Variants in RBBP8 observed in about 807,000 individuals in gnomAD.
RBBP8 encodes RB binding protein 8, endonuclease, also known as DNA endonuclease RBBP8.
In RBBP8, 88 loss-of-function variants were observed where a neutral mutation model predicts 108.3. The ratio of observed to expected loss-of-function variants is 0.81; its 90% CI spans 0.68 to 0.97. The LOEUF is 0.97. Among genes scored for constraint, RBBP8 ranks in the 50% least tolerant of loss-of-function variants. The probability of loss-of-function intolerance (pLI) is 0.00; values close to 1 mark genes in which losing one functional copy is unlikely to be tolerated. For missense variants in RBBP8, 1,023 were observed against 1,049.0 expected, an observed-to-expected ratio of 0.98 and a Z score of 0.34; for synonymous variants, 332 against 348.2, an observed-to-expected ratio of 0.95 and a Z score of 0.52.
intron 5 of RBBP8, among the ~76,000 whole-genome samples, chr18:22,974,195 T>A (rs1224336319): frequency 1.3e-5 from 2 of 152,208 alleles, no homozygotes. Flanking sequence ...GCTTAACCAG[T>A]GACATCATAC....
intron 4 of RBBP8, among the ~76,000 whole-genome samples, chr18:22,967,974 G>A (rs146007332): frequency 0.011 from 1,705 of 151,684 alleles, 34 homozygotes; most frequent in Admixed American, 0.045. Context: ...AATACATTGT[G>A]AATTTTTACT....
chr18:22,956,906 A>C (rs1445601097), intron 4 of RBBP8, among the ~76,000 whole-genome samples: 1 of 152,202 alleles, frequency 6.6e-6, no homozygotes, highest in East Asian at 1.9e-4. Flanking sequence ...TATTTCACTA[A>C]ATCTAAGAAA....
intron 16 of RBBP8, among the ~76,000 whole-genome samples, chr18:23,007,081 C>T (rs1343516688): frequency 3.4e-4 from 50 of 146,808 alleles, no homozygotes; most frequent in Non-Finnish European, 5.4e-4. Flanking sequence ...AGTACAGTGG[C>T]GCAATCTCGG....
intron 17 of RBBP8, among the ~76,000 whole-genome samples, chr18:23,018,219 G>A (rs1013468835): frequency 3.2e-4 from 48 of 151,280 alleles, no homozygotes; most frequent in African/African-American, 1.0e-3. Context: ...CACCATGCCC[G>A]GCTAATTTTG....
upstream of RBBP8, among the ~76,000 whole-genome samples, chr18:22,932,786 C>T (rs921767935): frequency 1.3e-5 from 2 of 152,200 alleles, no homozygotes; most frequent in Non-Finnish European, 2.9e-5. Flanking sequence ...TATCTAACAG[C>T]ATGTTGTCCC....
intron 9 of RBBP8, among the ~76,000 whole-genome samples, chr18:22,989,586 C>G (rs1457567873): frequency 2.0e-5 from 3 of 151,012 alleles, no homozygotes; most frequent in Non-Finnish European, 4.4e-5. Context: ...TTCCCTTCCC[C>G]CTCTCTCATG....
chr18:22,947,357 A>G (rs1265000322), intron 3 of RBBP8, among the ~76,000 whole-genome samples: 1 of 151,868 alleles, frequency 6.6e-6, no homozygotes, highest in Non-Finnish European at 1.5e-5. Context: ...ATCCCTCCCT[A>G]TAGATCCCCC....
intron 4 of RBBP8, among the ~76,000 whole-genome samples, chr18:22,950,613 T>C (rs954531967): frequency 6.6e-6 from 1 of 151,760 alleles, no homozygotes; most frequent in African/African-American, 2.4e-5. Context: ...TCCCATACTT[T>C]CTTTATAGTT....
intron 14 of RBBP8, among the ~76,000 whole-genome samples, chr18:22,998,860 A>G (rs1240565853): frequency 6.6e-6 from 1 of 152,262 alleles, no homozygotes; most frequent in Non-Finnish European, 1.5e-5. Flanking sequence ...ACCTGGGTAG[A>G]GAAGCCAATA....
At chr18:22,961,413 T>C (rs1913087152) in intron 4 of RBBP8, among the ~76,000 whole-genome samples, 1 of 152,184 alleles carries the variant, frequency 6.6e-6, no homozygotes, top group African/African-American at 2.4e-5. Context: ...ACCATACTTC[T>C]TACACCCCAG....
intron 4 of RBBP8, among the ~76,000 whole-genome samples, chr18:22,959,870 C>CTTTTTTTTTTTT (rs35259762): frequency 1.2e-5 from 1 of 86,408 alleles, no homozygotes; most frequent in African/African-American, 4.1e-5. Context: ...GATGAACTTT[C>CTTTTTTTTTTTT]TTTTTTTTTT....
chr18:23,026,250 CAG>C lies in RBBP8; in HGVS notation c.*12_*13del. On this transcript the variant is annotated 3_prime_UTR_variant, in exon 19 of 19. Coordinates refer to ENST00000327155, the MANE Select transcript of RBBP8 (RefSeq NM_002894.3). Reference sequence around the variant, plus strand: ...GGAGCAGAAGACATAGACGTTGAAACAGAAACAGAAGGATGAAGGACAGTTTT... The same window carrying C: ...GGAGCAGAAGACATAGACGTTGAAACAAACAGAAGGATGAAGGACAGTTTT... 1 of 1,604,842 alleles carries C rather than the reference CAG, an allele frequency of 6.2e-7. No individual in the cohort carries two copies. The highest frequency in any genetic ancestry group is 8.5e-7 in the Non-Finnish European group (1 of 1,171,990).
At chr18:22,949,529 A>G in intron 3 of RBBP8, 89 bp from the exon 4 acceptor site, 2 of 964,038 alleles carry the variant, frequency 2.1e-6, no homozygotes, top group Admixed American at 3.7e-5. Context: ...TGGTACAAGA[A>G]ATTTGTTATA....
rs1007764052 is a variant in RBBP8 at position 22,984,832 on chromosome 18, T to A, written c.605-54T>A. On this transcript the variant is annotated intron_variant, in intron 7 of 18. Coordinates refer to ENST00000327155, the MANE Select transcript of RBBP8 (RefSeq NM_002894.3). Reference sequence around the variant, plus strand: ...TGAATAAATAAAAATAATTTGATAATGCTTTTCATCATCATTGTTTATTGT... The same window carrying A: ...TGAATAAATAAAAATAATTTGATAAAGCTTTTCATCATCATTGTTTATTGT... The A allele has an allele frequency of 5.0e-6, 5 of 995,772 alleles. No homozygotes were observed. The East Asian group carries it at 1.3e-4, about 26-fold the overall frequency. The allele number at this position is 995,772 out of a possible 1,614,324, so 61.7% of individuals were successfully genotyped here.
At chr18:22,944,798 T>C (rs1911412635) in intron 2 of RBBP8, among the ~76,000 whole-genome samples, 2 of 152,196 alleles carry the variant, frequency 1.3e-5, no homozygotes, top group African/African-American at 2.4e-5. Context: ...CCACAGTATA[T>C]GGATTTCCTG....
chr18:22,926,315 C>G (rs1408799583), intron 3 of RBBP8, among the ~76,000 whole-genome samples: 2 of 152,092 alleles, frequency 1.3e-5, no homozygotes, highest in Admixed American at 6.5e-5. Flanking sequence ...CCTAACTACT[C>G]AAGATGCTGA....
intron 4 of RBBP8, among the ~76,000 whole-genome samples, chr18:22,965,590 A>C (rs1037801420): frequency 4.6e-5 from 7 of 151,926 alleles, no homozygotes; most frequent in African/African-American, 1.7e-4. Context: ...TTGTACTCCT[A>C]CTCCTAACTG....
intron 16 of RBBP8, among the ~76,000 whole-genome samples, chr18:23,015,493 T>C (rs1038789614): frequency 2.6e-5 from 4 of 152,212 alleles, no homozygotes; most frequent in African/African-American, 9.7e-5. Flanking sequence ...TTGCTTTTAT[T>C]GTCTGTTATT....
intron 14 of RBBP8, among the ~76,000 whole-genome samples, chr18:22,998,786 A>G (rs777802066): frequency 4.6e-5 from 7 of 152,248 alleles, no homozygotes; most frequent in Non-Finnish European, 8.8e-5. Flanking sequence ...AGAAAACTTT[A>G]GTAGTCTTTG....
Sources: gnomAD v4.1 joint callset for allele counts (sites outside exome capture counted in the v4.1 genomes callset) on GRCh38, gnomAD v4.1.1 for gene constraint, MANE v1.5 for transcripts, NCBI Gene and HGNC (gene_info 2026-07-23, HGNC 2026-07-21) for gene names.